The following JRK variants were observed in gnomAD, a reference collection of about 807,000 sequenced individuals.
The protein encoded by JRK is jerky protein homolog.
For missense variants in JRK, 720 were observed against 509.2 expected, an observed-to-expected ratio of 1.41 and a Z score of -3.98; for synonymous variants, 303 against 218.1, an observed-to-expected ratio of 1.39 and a Z score of -3.43.
Position 142,661,869 on chromosome 8 carries a change from G to A in JRK, c.*2483C>T. The A allele has an allele frequency of 2.0e-6, 2 of 985,518 alleles. No homozygotes were observed. The highest frequency in any genetic ancestry group is 9.4e-5 in the South Asian group (2 of 21,296). 61.0% of individuals were successfully genotyped at this position (985,518 alleles called of 1,614,324 possible). The stretch of plus-strand genomic sequence containing the variant: ...GGAAGTGAAAACAAAGTGCTCGGAG[G>A]ACACGGCAGTCTCCATAAAGCGTTC... On this transcript the variant is annotated 3_prime_UTR_variant, in exon 2 of 2. Transcript: ENST00000612905.
In JRK at chr8:142,659,420, T is replaced by C. The variant is rs1445330129; in HGVS notation, c.*4932A>G. ...TGTGGGACGGGGCTACCTGCAGACA[T>C]AGAGGGCCTTTGAGCACCTCGTAGC... On this transcript the variant is annotated 3_prime_UTR_variant, in exon 2 of 2. Coordinates refer to ENST00000612905, the MANE Select transcript of JRK (RefSeq NM_003724.4). The C allele has an allele frequency of 8.1e-6, 8 of 986,654 alleles. No homozygotes were observed. In the East Asian group the frequency reaches 3.4e-4, roughly 42 times the overall value. 61.1% of individuals were successfully genotyped at this position (986,654 alleles called of 1,614,324 possible).
At chr8:142,656,122 TG>T (rs1365609751), downstream of JRK, among the ~76,000 whole-genome samples, 1 of 152,250 alleles carries the variant, frequency 6.6e-6, no homozygotes, top group Non-Finnish European at 1.5e-5. Context: ...TTTTCCCCAG[TG>T]TATAGGCCAT....
the JRK span, among the ~76,000 whole-genome samples, chr8:142,648,898 A>T: frequency 6.6e-6 from 1 of 152,230 alleles, no homozygotes; most frequent in Admixed American, 6.5e-5. Context: ...CAAAGCCACA[A>T]GGGTGGAGCT....
Position 142,661,517 on chromosome 8 carries a change from T to C in JRK, c.*2835A>G, listed in dbSNP as rs1233600116. 8.1e-6 allele frequency: 8 copies of C among 985,302 alleles called. No homozygotes were observed. The highest frequency in any genetic ancestry group is 3.5e-5 in the African/African-American group (2 of 57,230). 61.0% of individuals were successfully genotyped at this position (985,302 alleles called of 1,614,324 possible). A position where few individuals can be genotyped will look rare whatever the true frequency, so the allele number is the denominator to read the frequency against. On this transcript the variant is annotated 3_prime_UTR_variant, in exon 2 of 2. Coordinates refer to ENST00000612905, the MANE Select transcript of JRK (RefSeq NM_003724.4). ...GCAGCCACAGAGGTCCCAAACCATA[T>C]GACGCAGCACCTGCTACCCCACGAG...
In JRK at chr8:142,661,695, C is replaced by T; in HGVS notation, c.*2657G>A. On this transcript the variant is annotated 3_prime_UTR_variant, in exon 2 of 2. Coordinates refer to ENST00000612905, the MANE Select transcript of JRK (RefSeq NM_003724.4). ...GGCAAGCTCCAGGGCTTCCCAGGGG[C>T]CTCAGCAGCCCCAGAAACAGAGTGA... 23 of 985,478 alleles carry T rather than the reference C, an allele frequency of 2.3e-5. No individual in the cohort carries two copies. Among genetic ancestry groups the T allele is most frequent in the Non-Finnish European group, 2.8e-5 (23 of 829,976 alleles). The allele number at this position is 985,478 out of a possible 1,614,324, so 61.0% of individuals were successfully genotyped here.
chr8:142,662,120 G>C lies in JRK; in HGVS notation c.*2232C>G. Reference sequence around the variant, plus strand: ...AGGCCTTGCTGCAGTTGGTCTGGAAGAGGGGCACCCTGAGGACACAGCCAC... The same window carrying C: ...AGGCCTTGCTGCAGTTGGTCTGGAACAGGGGCACCCTGAGGACACAGCCAC... On this transcript the variant is annotated 3_prime_UTR_variant, in exon 2 of 2. Transcript: ENST00000612905. 1.0e-6 allele frequency: 1 copy of C among 985,860 alleles called. No individual in the cohort carries two copies. The highest frequency in any genetic ancestry group is 1.2e-6 in the Non-Finnish European group (1 of 830,284). 61.1% of individuals were successfully genotyped at this position (985,860 alleles called of 1,614,324 possible).
chr8:142,656,068 A>C (rs1846744921), downstream of JRK, among the ~76,000 whole-genome samples: 2 of 152,266 alleles, frequency 1.3e-5, no homozygotes, highest in South Asian at 4.2e-4. Flanking sequence ...TTTTCTTTTA[A>C]ATCCAGCATC....
At chr8:142,653,276 T>C (rs1846697036), downstream of JRK, among the ~76,000 whole-genome samples, 1 of 152,232 alleles carries the variant, frequency 6.6e-6, no homozygotes, top group African/African-American at 2.4e-5. Context: ...TGCTAAGATG[T>C]AGGGATAAAC....
downstream of JRK, among the ~76,000 whole-genome samples, chr8:142,652,765 A>G (rs1554633295): frequency 1.3e-5 from 2 of 152,104 alleles, no homozygotes; most frequent in Non-Finnish European, 2.9e-5. Flanking sequence ...CAATTTACAG[A>G]ACAAGAAAAA....
chr8:142,650,347 A>G, the JRK span, among the ~76,000 whole-genome samples: 1 of 152,174 alleles, frequency 6.6e-6, no homozygotes, highest in African/African-American at 2.4e-5. Context: ...GACTGTTGGA[A>G]AGGCATGATT....
chr8:142,666,127 TCTC>T lies in JRK; in HGVS notation c.-72_-70del. ...GCCTGGGCTGCTGCCACTACTTCCC[TCTC>T]CTCCTGCTCCCCTTCTGGGGCTCCG... On this transcript the variant is annotated 5_prime_UTR_variant, in exon 2 of 2. Coordinates refer to ENST00000612905, the MANE Select transcript of JRK (RefSeq NM_003724.4). 4 of 1,551,016 alleles carry T rather than the reference TCTC, an allele frequency of 2.6e-6. No homozygotes were observed. The highest frequency in any genetic ancestry group is 2.6e-6 in the Non-Finnish European group (3 of 1,147,630).
Position 142,660,562 on chromosome 8 carries a change from G to A in JRK, c.*3790C>T. 2.9e-6 allele frequency: 2 copies of A among 694,204 alleles called. No homozygotes were observed. Among genetic ancestry groups the A allele is most frequent in the Non-Finnish European group, 1.8e-6 (1 of 565,454 alleles). The allele number at this position is 694,204 out of a possible 1,614,324, so 43.0% of individuals were successfully genotyped here. A position where few individuals can be genotyped will look rare whatever the true frequency, so the allele number is the denominator to read the frequency against. ...TTACAGGCACATGCCACCACACCTGGCTCATTTTCTTTTACTTTCTGTAGA... is the reference window on the plus strand; with the variant it reads ...TTACAGGCACATGCCACCACACCTGACTCATTTTCTTTTACTTTCTGTAGA... On this transcript the variant is annotated 3_prime_UTR_variant, in exon 2 of 2. Transcript: ENST00000612905.
At position 142,665,618 on chromosome 8, in the gene JRK, CT is replaced by C; in HGVS notation, c.440del (p.Lys147SerfsTer2). 1.4e-6 allele frequency: 1 copy of C among 718,558 alleles called. No homozygotes were observed. Among genetic ancestry groups the C allele is most frequent in the Non-Finnish European group, 2.6e-6 (1 of 385,118 alleles). The allele number at this position is 718,558 out of a possible 1,614,324, so 44.5% of individuals were successfully genotyped here. Reference protein sequence around the residue: ...WRFKARHGIKKLDASSEKQSA... With the variant: ...WRFKARHGIKXLDASSEKQSA... ...ACTGCTTTTCACTGGATGCATCTAG[CT>C]TTTTAATGCCGTGTCTGGCCTTAAA... On this transcript the variant is annotated frameshift_variant, in exon 2 of 2. Coordinates refer to ENST00000612905, the MANE Select transcript of JRK (RefSeq NM_003724.4). LOFTEE classifies it low-confidence loss of function (END_TRUNC).
chr8:142,663,289 A>G lies in JRK; in HGVS notation c.*1063T>C, dbSNP rs3735995. 9.7e-3 allele frequency: 9,515 copies of G among 985,424 alleles called. 608 individuals are homozygous for G. In the African/African-American group the frequency reaches 0.14, roughly 15 times the overall value. The allele number at this position is 985,424 out of a possible 1,614,324, so 61.0% of individuals were successfully genotyped here. The stretch of plus-strand genomic sequence containing the variant: ...GAAATGGAGATGCCGCAAAGCAACT[A>G]CAGACATGGAGAAAATAACCACATC... On this transcript the variant is annotated 3_prime_UTR_variant, in exon 2 of 2. Coordinates refer to ENST00000612905, the MANE Select transcript of JRK (RefSeq NM_003724.4).
chr8:142,644,432 T>C, the JRK span, among the ~76,000 whole-genome samples: 1 of 152,180 alleles, frequency 6.6e-6, no homozygotes. Context: ...AACATATTTA[T>C]ACAAACACAG....
chr8:142,651,540 CTTTTTTTT>C, the JRK span, among the ~76,000 whole-genome samples: 567 of 103,156 alleles, frequency 5.5e-3, 2 homozygotes, highest in Non-Finnish European at 9.0e-3. Context: ...AAAAATCAAT[CTTTTTTTT>C]TTTTTTTTTT....
Position 142,657,631 on chromosome 8 carries a change from CA to C in JRK, c.*6720del, listed in dbSNP as rs1554633854. The C allele has an allele frequency of 6.6e-6, 1 of 152,208 alleles. No homozygotes were observed. Among genetic ancestry groups the C allele is most frequent in the African/African-American group, 2.4e-5 (1 of 41,414 alleles). The allele number at this position is 152,208 out of a possible 1,614,324, so 9.4% of individuals were successfully genotyped here. ...CAGGAGGAAGAAGGGAGGGAGGTGC[CA>C]CCAGGCTCTTTTTAACAAACAGTTC... On this transcript the variant is annotated 3_prime_UTR_variant, in exon 2 of 2. Transcript: ENST00000612905.
At chr8:142,656,664 ACTT>A (rs1846759311), downstream of JRK, among the ~76,000 whole-genome samples, 1 of 152,160 alleles carries the variant, frequency 6.6e-6, no homozygotes, top group Admixed American at 6.5e-5. Context: ...TTAGGCTTGA[ACTT>A]CACATCCTTA....
At chr8:142,655,164 G>A (rs1846724471), downstream of JRK, among the ~76,000 whole-genome samples, 1 of 152,168 alleles carries the variant, frequency 6.6e-6, no homozygotes, top group African/African-American at 2.4e-5. Flanking sequence ...CCCCAGCAAG[G>A]GCTGCTCCAG....
Sources: gnomAD v4.1 joint callset for allele counts (sites outside exome capture counted in the v4.1 genomes callset) on GRCh38, gnomAD v4.1.1 for gene constraint, MANE v1.5 for transcripts, NCBI Gene and HGNC (gene_info 2026-07-23, HGNC 2026-07-21) for gene names.